Variants in B3GAT3 observed in about 807,000 individuals in gnomAD.
The protein encoded by B3GAT3 is beta-1,3-glucuronyltransferase 3, also known as galactosylgalactosylxylosylprotein 3-beta-glucuronosyltransferase 3.
B3GAT3 carries 19 observed loss-of-function variants against 33.1 expected under a neutral mutation model. That is an observed-to-expected ratio of 0.57 (90% CI 0.40 to 0.84). The LOEUF (loss-of-function observed/expected upper bound fraction) is 0.84, where lower values mean the gene tolerates loss of function less well. Among genes scored for constraint, B3GAT3 ranks in the 40% least tolerant of loss-of-function variants. B3GAT3 has a pLI of 0.00. For synonymous variants in B3GAT3, 167 were observed against 193.5 expected (o/e 0.86, Z 1.14); for missense variants, 344 against 441.5 (o/e 0.78, Z 1.98).
At position 62,619,550 on chromosome 11, in the gene B3GAT3, C is replaced by CT. The variant is rs1196636653; in HGVS notation, c.257+946dup. Among the ~76,000 whole-genome samples the CT allele has an allele frequency of 2.1e-3, 308 of 146,670 alleles. 2 individuals carry two copies. Among genetic ancestry groups the CT allele is most frequent in the South Asian group, 8.6e-3 (40 of 4,640 alleles). On this transcript the variant is annotated intron_variant, in intron 2 of 4. Coordinates refer to ENST00000265471, the MANE Select transcript of B3GAT3 (RefSeq NM_012200.4). ...TGACTATCAGGCCAAGCACTTTCAA[C>CT]TTTTTTTTTTTTGAAATGGGCTCTC...
At chr11:62,616,330 G>A in intron 4 of B3GAT3, 176 bp downstream of exon 4, 2 of 910,170 alleles carry the variant, frequency 2.2e-6, no homozygotes, top group Non-Finnish European at 3.4e-6. Flanking sequence ...CAGAGTGGCA[G>A]GAGACCACTT....
intron 2 of B3GAT3, among the ~76,000 whole-genome samples, chr11:62,618,749 C>T (rs1035944553): frequency 6.6e-5 from 10 of 151,440 alleles, no homozygotes; most frequent in South Asian, 4.2e-4. Flanking sequence ...TTTGAGAGGC[C>T]GAAGCAGGTG....
Position 62,615,716 on chromosome 11 carries a change from TG to T in B3GAT3, c.992del (p.Pro331GlnfsTer37), listed in dbSNP as rs750535749. ...QLQRQGRGSD[P>X]AIEV is the part of the protein sequence containing the mutation. Reference sequence around the variant, plus strand: ...GGGGCCGCCATCACACCTCAATTGCTGGGTCTGAGCCCCGGCCCTGCCGCTG... The same window carrying T: ...GGGGCCGCCATCACACCTCAATTGCTGGTCTGAGCCCCGGCCCTGCCGCTG... On this transcript the variant is annotated frameshift_variant, in exon 5 of 5. Transcript: ENST00000265471. LOFTEE classifies it high-confidence loss of function. 3.1e-6 allele frequency: 5 copies of T among 1,613,616 alleles called. No homozygotes were observed. In the Admixed American group the frequency reaches 8.3e-5, roughly 27 times the overall value.
intron 4 of B3GAT3, 95 bp downstream of exon 4, chr11:62,616,411 C>T: frequency 1.3e-6 from 2 of 1,549,712 alleles, no homozygotes; most frequent in African/African-American, 2.7e-5. Flanking sequence ...AGAGTCCCTC[C>T]TGGTTAAACC....
intron 2 of B3GAT3, among the ~76,000 whole-genome samples, chr11:62,617,877 CAA>C (rs765238565): frequency 3.2e-4 from 20 of 62,388 alleles, no homozygotes; most frequent in Admixed American, 3.6e-4. Flanking sequence ...AACTCCATCT[CAA>C]AAAAAAAAAA....
At chr11:62,620,755 C>A in intron 1 of B3GAT3, 84 bp from the exon 2 acceptor site, 2 of 1,342,758 alleles carry the variant, frequency 1.5e-6, no homozygotes, top group Non-Finnish European at 2.1e-6. Context: ...CCGTAATCGT[C>A]TCATTAATTC....
chr11:62,619,158 C>T (rs572572361), intron 2 of B3GAT3, among the ~76,000 whole-genome samples: 20 of 120,400 alleles, frequency 1.7e-4, no homozygotes, highest in African/African-American at 5.4e-4. Flanking sequence ...CTCGGTGTTG[C>T]GGGGAGGCGG....
At chr11:62,620,150 A>G (rs544916138) in intron 2 of B3GAT3, among the ~76,000 whole-genome samples, 1 of 152,098 alleles carries the variant, frequency 6.6e-6, no homozygotes, top group East Asian at 1.9e-4. Context: ...CAGCCTCCCC[A>G]GTAGCTGGGA....
chr11:62,616,949 G>A (rs750288455), intron 3 of B3GAT3, 38 bp downstream of exon 3: 50 of 1,613,816 alleles, frequency 3.1e-5, no homozygotes, highest in Non-Finnish European at 3.7e-5. Flanking sequence ...GAAGCTGGCC[G>A]CACCTGGTCT....
chr11:62,615,995 G>A (rs2134426897), intron 4 of B3GAT3, 196 bp from the exon 5 acceptor site: 4 of 1,442,814 alleles, frequency 2.8e-6, no homozygotes, highest in South Asian at 2.8e-5. Context: ...TGTAACCCCA[G>A]CACTTTGGGA....
chr11:62,620,759 T>C, intron 1 of B3GAT3, 88 bp from the exon 2 acceptor site: 1 of 1,324,366 alleles, frequency 7.6e-7, no homozygotes, highest in South Asian at 1.3e-5. Context: ...AATCGTCTCA[T>C]TAATTCCTAA....
chr11:62,621,956 C>G lies in B3GAT3; in HGVS notation c.-9G>C. The G allele has an allele frequency of 6.2e-7, 1 of 1,612,690 alleles. No individual in the cohort carries two copies. Among genetic ancestry groups the G allele is most frequent in the South Asian group, 1.1e-5 (1 of 91,064 alleles). On this transcript the variant is annotated 5_prime_UTR_variant, in exon 1 of 5. Transcript: ENST00000265471. The stretch of plus-strand genomic sequence containing the variant: ...TTCAGCTTCAGCTTCATGGCCGCGC[C>G]GCCGCCCGCGCCCGAGCAGGCGGGG...
chr11:62,617,619 TATA>T (rs1488128685), intron 2 of B3GAT3, among the ~76,000 whole-genome samples: 1 of 152,050 alleles, frequency 6.6e-6, no homozygotes, highest in Non-Finnish European at 1.5e-5. Flanking sequence ...GGCTCACACC[TATA>T]ATAACACTTT....
chr11:62,621,323 T>C (rs182424578), intron 1 of B3GAT3: 15 of 456,556 alleles, frequency 3.3e-5, no homozygotes, highest in Non-Finnish European at 4.4e-5. Flanking sequence ...AATAACATTA[T>C]TACAAACTGT....
At chr11:62,621,425 C>A (rs1330629664) in intron 1 of B3GAT3, 3 of 422,034 alleles carry the variant, frequency 7.1e-6, no homozygotes, top group Non-Finnish European at 1.4e-5. Context: ...GGGAAGGCCT[C>A]TCTGAGGAGG....
rs1259328603 is a variant in B3GAT3 at position 62,617,256 on chromosome 11, G to A, written c.349C>T (p.Pro117Ser). The A allele has an allele frequency of 1.2e-6, 2 of 1,613,112 alleles. No individual in the cohort carries two copies. The highest frequency in any genetic ancestry group is 2.2e-5 in the South Asian group (2 of 91,050). The change falls in exon 3 of 5, where the codon CCC becomes TCC. Residue 117 changes from proline (P) to serine (S), a missense_variant. Physicochemically the swap from Pro to Ser is moderately conservative, Grantham distance 74. Transcript: ENST00000265471. ...HWLLVEDAEG[P>S]TPLVSGLLAA... ...AGCAGCCCTGAGACCAGCGGGGTGGGACCCTCAGCATCCTCCACCAGCAGC... is the reference window on the plus strand; with the variant it reads ...AGCAGCCCTGAGACCAGCGGGGTGGAACCCTCAGCATCCTCCACCAGCAGC...
chr11:62,616,501 C>T lies in B3GAT3; in HGVS notation c.909+5G>A, dbSNP rs1233620244. 1 of 1,614,162 alleles carries T rather than the reference C, an allele frequency of 6.2e-7. No individual in the cohort carries two copies. Among genetic ancestry groups the T allele is most frequent in the South Asian group, 1.1e-5 (1 of 91,084 alleles). On this transcript the variant is annotated splice_donor_5th_base_variant and intron_variant, in intron 4 of 4. Transcript: ENST00000265471. ...AGGTTTCTATGCCCATCTCCATTCCCTTACCCGAGTGCAGTTGGCAGCCCG... is the reference window on the plus strand; with the variant it reads ...AGGTTTCTATGCCCATCTCCATTCCTTTACCCGAGTGCAGTTGGCAGCCCG...
chr11:62,618,177 C>CAAAAAAAAAAAAAAAAAAAAAAAAAAAAA (rs150492409), intron 2 of B3GAT3, among the ~76,000 whole-genome samples: 1 of 46,274 alleles, frequency 2.2e-5, no homozygotes, highest in Admixed American at 2.8e-4. Context: ...AACTCTGTCT[C>CAAAAAAAAAAAAAAAAAAAAAAAAAAAAA]AAAAAAAAAA....
intron 2 of B3GAT3, 188 bp from the exon 3 acceptor site, chr11:62,617,535 G>A: frequency 1.3e-6 from 1 of 756,488 alleles, no homozygotes; most frequent in Non-Finnish European, 2.2e-6. Context: ...TCTGGTCCAT[G>A]TCCATCACCC....
Sources: gnomAD v4.1 joint callset for allele counts (sites outside exome capture counted in the v4.1 genomes callset) on GRCh38, gnomAD v4.1.1 for gene constraint, MANE v1.5 for transcripts, NCBI Gene and HGNC (gene_info 2026-07-23, HGNC 2026-07-21) for gene names.